The following ABCA13 variants were observed in gnomAD, a reference collection of about 807,000 sequenced individuals.
ABCA13 encodes the protein ATP binding cassette subfamily A member 13.
Under a neutral mutation model 478.7 loss-of-function variants are expected in ABCA13, and 476 were observed. The observed-to-expected ratio is 0.99, with a 90% CI of 0.92 to 1.07. The LOEUF (loss-of-function observed/expected upper bound fraction) is 1.07. ABCA13 is among the 50% of genes least tolerant of loss of function. The pLI is 0.00. For synonymous variants in ABCA13, 2,252 were observed against 2,158.9 expected (o/e 1.04, Z -1.20); for missense variants, 6,060 against 5,910.6 (o/e 1.03, Z -0.83).
At chr7:48,356,462 C>T (rs771375386) in intron 31 of ABCA13, among the ~76,000 whole-genome samples, 4 of 149,938 alleles carry the variant, frequency 2.7e-5, no homozygotes, top group Non-Finnish European at 5.9e-5. Context: ...AGTGTATAAA[C>T]GGGGGGGACA....
intron 3 of ABCA13, among the ~76,000 whole-genome samples, chr7:48,204,441 C>T (rs1784652730): frequency 6.6e-6 from 1 of 152,120 alleles, no homozygotes; most frequent in Non-Finnish European, 1.5e-5. Context: ...GAATTCCTGA[C>T]CTCAGGCGAT....
chr7:48,313,242 C>T lies in ABCA13; in HGVS notation c.9681+11C>T, dbSNP rs1210940818. 3 of 1,599,030 alleles carry T rather than the reference C, an allele frequency of 1.9e-6. 1 individual carries two copies. Among genetic ancestry groups the T allele is most frequent in the Middle Eastern group, 1.7e-4 (1 of 6,018 alleles). ...CTGGACTTTCAACAGGTGTGTGTTT[C>T]ATCTTTGTCCCTAGGGAAATATTCA... On this transcript the variant is annotated intron_variant, in intron 25 of 61. Coordinates refer to ENST00000435803, the MANE Select transcript of ABCA13 (RefSeq NM_152701.5).
intron 55 of ABCA13, among the ~76,000 whole-genome samples, chr7:48,567,582 T>G (rs2131302242): frequency 6.6e-6 from 1 of 152,210 alleles, no homozygotes; most frequent in East Asian, 1.9e-4. Flanking sequence ...TACCAACAAA[T>G]TTTAAAATAT....
At position 48,367,897 on chromosome 7, in the gene ABCA13, C is replaced by T. The variant is rs1478038876; in HGVS notation, c.10792C>T (p.Gln3598Ter). 6.4e-7 allele frequency: 1 copy of T among 1,570,014 alleles called. No individual in the cohort carries two copies. The highest frequency in any genetic ancestry group is 1.9e-5 in the Admixed American group (1 of 53,446). Reference sequence around the variant, plus strand: ...AAAGTTGGTGTATGAGCAGGAGATACAGATAGAAGAGGTAAATATCCTTAA... The same window carrying T: ...AAAGTTGGTGTATGAGCAGGAGATATAGATAGAAGAGGTAAATATCCTTAA... ...VRKLVYEQEI[Q>*]IEEYMRMMGV... The change falls in exon 32 of 62, where the codon CAG becomes TAG. Residue 3598 changes from glutamine to a stop codon, truncating the protein, a stop_gained. Coordinates refer to ENST00000435803, the MANE Select transcript of ABCA13 (RefSeq NM_152701.5). LOFTEE classifies it high-confidence loss of function.
intron 32 of ABCA13, among the ~76,000 whole-genome samples, chr7:48,370,495 C>T (rs549612612): frequency 1.3e-5 from 2 of 152,232 alleles, no homozygotes; most frequent in East Asian, 3.9e-4. Flanking sequence ...ATGCTTTCAA[C>T]TTTTCCCTGT....
intron 50 of ABCA13, among the ~76,000 whole-genome samples, chr7:48,509,574 A>G (rs1399180293): frequency 6.6e-6 from 1 of 152,174 alleles, no homozygotes; most frequent in Non-Finnish European, 1.5e-5. Flanking sequence ...TTACTCTGTG[A>G]TGTTTGATCT....
chr7:48,593,890 C>T (rs73324231), intron 57 of ABCA13, among the ~76,000 whole-genome samples: 1 of 151,876 alleles, frequency 6.6e-6, no homozygotes, highest in Admixed American at 6.6e-5. Context: ...CCACTCTTTC[C>T]CAGTCCTGAA....
chr7:48,396,645 A>T (rs1448626290), intron 38 of ABCA13, among the ~76,000 whole-genome samples: 1 of 152,238 alleles, frequency 6.6e-6, no homozygotes, highest in Non-Finnish European at 1.5e-5. Flanking sequence ...TCTAGTGTTG[A>T]TGCCCTAATG....
In ABCA13 at chr7:48,248,102, C is replaced by T; in HGVS notation, c.1660-137C>T. 1.8e-5 allele frequency: 12 copies of T among 655,722 alleles called. No individual in the cohort carries two copies. In the South Asian group the frequency reaches 2.8e-4, roughly 16 times the overall value. 40.6% of individuals were successfully genotyped at this position (655,722 alleles called of 1,614,324 possible). On this transcript the variant is annotated intron_variant, in intron 13 of 61. Coordinates refer to ENST00000435803, the MANE Select transcript of ABCA13 (RefSeq NM_152701.5). ...CTAGAACTATAACTTAGATAATTACCATGCCATAGGGCACGATCTTTGATG... is the reference window on the plus strand; with the variant it reads ...CTAGAACTATAACTTAGATAATTACTATGCCATAGGGCACGATCTTTGATG...
Position 48,239,503 on chromosome 7 carries a change from T to C in ABCA13, c.1062+98T>C. Reference sequence around the variant, plus strand: ...GCCCTGCCATGTTTACTGTTGGATTTTATGTCCCTCCAAGGAAAGGGCCTT... The same window carrying C: ...GCCCTGCCATGTTTACTGTTGGATTCTATGTCCCTCCAAGGAAAGGGCCTT... On this transcript the variant is annotated intron_variant, in intron 9 of 61. Coordinates refer to ENST00000435803, the MANE Select transcript of ABCA13 (RefSeq NM_152701.5). The C allele has an allele frequency of 3.6e-6, 5 of 1,389,152 alleles. No individual in the cohort carries two copies. In the South Asian group the frequency reaches 8.0e-5, roughly 22 times the overall value. The allele number at this position is 1,389,152 out of a possible 1,614,324, so 86.1% of individuals were successfully genotyped here.
intron 7 of ABCA13, among the ~76,000 whole-genome samples, chr7:48,230,931 G>A (rs1453224972): frequency 6.6e-6 from 1 of 152,110 alleles, no homozygotes; most frequent in African/African-American, 2.4e-5. Context: ...GGAATAAAAA[G>A]CTGAATAAGA....
At chr7:48,350,344 T>TA (rs1808764470) in intron 29 of ABCA13, among the ~76,000 whole-genome samples, 1 of 152,218 alleles carries the variant, frequency 6.6e-6, no homozygotes, top group African/African-American at 2.4e-5. Flanking sequence ...TTCTGTTGTT[T>TA]ATCCTGTTGT....
intron 13 of ABCA13, 21 bp downstream of exon 13, chr7:48,246,051 G>T (rs759865128): frequency 1.9e-6 from 3 of 1,606,082 alleles, no homozygotes; most frequent in Non-Finnish European, 2.6e-6. Context: ...TACCATCTTA[G>T]CTCTTCTAAG....
At chr7:48,452,861 A>G (rs1001318366) in intron 42 of ABCA13, among the ~76,000 whole-genome samples, 6 of 152,244 alleles carry the variant, frequency 3.9e-5, no homozygotes, top group African/African-American at 1.4e-4. Context: ...ATGGGCACCC[A>G]AAAACATCCC....
chr7:48,383,265 C>T (rs1359493176), intron 35 of ABCA13, among the ~76,000 whole-genome samples: 2 of 152,204 alleles, frequency 1.3e-5, no homozygotes, highest in African/African-American at 2.4e-5. Context: ...TATGTGTGCA[C>T]ACTTGTGTCT....
At chr7:48,248,117 G>T (rs115657492) in intron 13 of ABCA13, 122 bp from the exon 14 acceptor site, 4 of 750,076 alleles carry the variant, frequency 5.3e-6, no homozygotes, top group Non-Finnish European at 8.5e-6. Flanking sequence ...CATAGGGCAC[G>T]ATCTTTGATG....
At chr7:48,603,725 A>C (rs1208972527) in intron 58 of ABCA13, 3 of 180,314 alleles carry the variant, frequency 1.7e-5, no homozygotes, top group African/African-American at 7.2e-5. Flanking sequence ...TTTTGGTATC[A>C]GGATGATGCT....
intron 27 of ABCA13, among the ~76,000 whole-genome samples, chr7:48,320,593 T>C (rs1346914315): frequency 2.6e-5 from 4 of 152,190 alleles, no homozygotes; most frequent in Non-Finnish European, 4.4e-5. Flanking sequence ...GGCCCTAGGC[T>C]GATGAAAAAT....
At chr7:48,193,111 G>T (rs1437078884) in intron 2 of ABCA13, 59 bp downstream of exon 2, 2 of 1,232,380 alleles carry the variant, frequency 1.6e-6, no homozygotes, top group African/African-American at 3.1e-5. Context: ...AAAACTCATA[G>T]CACTCTTTCT....
Sources: gnomAD v4.1 joint callset for allele counts (sites outside exome capture counted in the v4.1 genomes callset) on GRCh38, gnomAD v4.1.1 for gene constraint, MANE v1.5 for transcripts, NCBI Gene and HGNC (gene_info 2026-07-23, HGNC 2026-07-21) for gene names.